CDH23: variants seen among roughly 807,000 people sequenced by gnomAD.
CDH23 encodes cadherin related 23, also known as cadherin-23.
A neutral mutation model predicts 317.1 loss-of-function variants in CDH23; 189 were observed. The ratio of observed to expected loss-of-function variants is 0.60; its 90% confidence interval spans 0.53 to 0.67. The LOEUF is 0.67. Ranked by LOEUF, CDH23 falls within the 30% of genes least tolerant of loss-of-function variation. The probability of loss-of-function intolerance (pLI) is 0.00; values close to 1 mark genes in which losing one functional copy is unlikely to be tolerated. For missense variants in CDH23, 4,401 were observed against 4,592.4 expected (o/e 0.96, Z 1.20); for synonymous variants, 1,839 against 1,876.8 (o/e 0.98, Z 0.52).
At chr10:71,693,554 G>A (rs1466936816) in intron 20 of CDH23, among the ~76,000 whole-genome samples, 1 of 152,202 alleles carries the variant, frequency 6.6e-6, no homozygotes, top group African/African-American at 2.4e-5. Flanking sequence ...TGAGTCACAA[G>A]TTAGACGCAT....
chr10:71,682,419 G>A lies in CDH23; in HGVS notation c.1859-26G>A, dbSNP rs754849941. On this transcript the variant is annotated intron_variant, in intron 17 of 69. Coordinates refer to ENST00000224721, the MANE Select transcript of CDH23 (RefSeq NM_022124.6). ...GGCATCTCAAGTCTGCTTACAGAGG[G>A]ATCTGGCCTGTTCCTGTCATTGCAG... 5.6e-6 allele frequency: 9 copies of A among 1,609,482 alleles called. No individual in the cohort carries two copies. In the Middle Eastern group the frequency reaches 8.3e-4, roughly 149 times the overall value.
rs1447670791 is a variant in CDH23, at chr10:71,779,229, TG to T, written c.5188-34del. On this transcript the variant is annotated intron_variant, in intron 40 of 69. Transcript: ENST00000224721. ...AACTGAGGCCCAGCACAAAGCTGGCTGGGGTGAGGCCTTGGCTAAGCTTTTC... is the reference window on the plus strand; with the variant it reads ...AACTGAGGCCCAGCACAAAGCTGGCTGGGTGAGGCCTTGGCTAAGCTTTTC... 4.4e-6 allele frequency: 7 copies of T among 1,607,186 alleles called. No individual in the cohort carries two copies. In the Admixed American group the frequency reaches 8.3e-5, roughly 19 times the overall value.
intron 3 of CDH23, among the ~76,000 whole-genome samples, chr10:71,493,845 C>CT (rs929713127): frequency 1.8e-4 from 28 of 152,092 alleles, no homozygotes; most frequent in African/African-American, 2.2e-4. Flanking sequence ...ACACAAAATC[C>CT]TTTTTTTTAA....
At position 71,716,571 on chromosome 10, in the gene CDH23, G is replaced by A. The variant is rs1866253639; in HGVS notation, c.3369+3758G>A. On this transcript the variant is annotated intron_variant, in intron 28 of 69. Coordinates refer to ENST00000224721, the MANE Select transcript of CDH23 (RefSeq NM_022124.6). ...GGGCCCAAGCTCAGGCCCTCTTCCT[G>A]TTCCACCCTGTGCCCATCTGCCATG... 9.1e-6 allele frequency: 4 copies of A among 441,628 alleles called. No homozygotes were observed. In the East Asian group the frequency reaches 1.1e-4, roughly 12 times the overall value. 27.4% of individuals were successfully genotyped at this position (441,628 alleles called of 1,614,324 possible). A position where few individuals can be genotyped will look rare whatever the true frequency, so the allele number is the denominator to read the frequency against.
intron 8 of CDH23, among the ~76,000 whole-genome samples, chr10:71,574,560 A>T (rs1858046974): frequency 6.6e-6 from 1 of 152,086 alleles, no homozygotes; most frequent in Non-Finnish European, 1.5e-5. Flanking sequence ...CTACTCCTGA[A>T]GCAAGCTGCA....
intron 69 of CDH23, 47 bp from the exon 70 acceptor site, chr10:71,814,905 C>A (rs1238129152): frequency 1.3e-6 from 2 of 1,547,636 alleles, no homozygotes; most frequent in South Asian, 2.4e-5. Flanking sequence ...CACCTGCTCA[C>A]CCCTTGGGCA....
chr10:71,760,312 C>CATAT (rs1374136520), intron 38 of CDH23, among the ~76,000 whole-genome samples: 2 of 108,450 alleles, frequency 1.8e-5, no homozygotes, highest in Non-Finnish European at 4.3e-5. Flanking sequence ...TATATACACA[C>CATAT]ACATATATAT....
intron 1 of CDH23, among the ~76,000 whole-genome samples, chr10:71,436,531 C>T (rs1023634846): frequency 6.6e-6 from 1 of 152,246 alleles, no homozygotes; most frequent in Non-Finnish European, 1.5e-5. Context: ...GACTCTGACT[C>T]AGGCAGACCT....
chr10:71,491,951 T>C (rs377173251), intron 3 of CDH23, among the ~76,000 whole-genome samples: 2 of 151,612 alleles, frequency 1.3e-5, no homozygotes, highest in Non-Finnish European at 1.5e-5. Flanking sequence ...CCCAGGGAGG[T>C]CACGTCCAGG....
In CDH23 at chr10:71,646,571, G is replaced by C. The variant is rs1395349742; in HGVS notation, c.1403G>C (p.Ser468Thr). 3 of 1,614,008 alleles carry C rather than the reference G, an allele frequency of 1.9e-6. No individual in the cohort carries two copies. Among genetic ancestry groups the C allele is most frequent in the Non-Finnish European group, 2.5e-6 (3 of 1,179,902 alleles). ...PIFSQPLYNI[S>T]LYENVTVGTS... ...TTCAGCCAGCCACTGTACAACATCA[G>C]CCTGTACGAGAACGTCACCGTGGGG... is the stretch of plus-strand genomic sequence containing the variant. The change falls in exon 14 of 70, where the codon AGC becomes ACC. Residue 468 changes from serine to threonine, a missense_variant. This residue lies in a region of CDH23 where 3,068 missense variants were observed against 3,203.3 expected (regional missense o/e 0.96). Coordinates refer to ENST00000224721, the MANE Select transcript of CDH23 (RefSeq NM_022124.6).
At chr10:71,609,383 C>T (rs1374969757) in intron 9 of CDH23, among the ~76,000 whole-genome samples, 2 of 152,072 alleles carry the variant, frequency 1.3e-5, no homozygotes, top group East Asian at 1.9e-4. Context: ...GCCACTCAGC[C>T]TCTTGCCTTG....
chr10:71,720,016 T>A lies in CDH23; in HGVS notation c.3370-4029T>A, dbSNP rs1866476506. Among the ~76,000 whole-genome samples, 3 of 152,358 alleles carry A rather than the reference T, an allele frequency of 2.0e-5. No homozygotes were observed. The South Asian group carries it at 6.2e-4, about 32-fold the overall frequency. On this transcript the variant is annotated intron_variant, in intron 28 of 69. Transcript: ENST00000224721. The stretch of plus-strand genomic sequence containing the variant: ...GGGAGACGCAGGGGGAGGGTTTTAC[T>A]GCCTCTGCGGCCCCATGGCGCTCAC...
At chr10:71,644,305 C>T (rs1178744138) in intron 12 of CDH23, among the ~76,000 whole-genome samples, 1 of 152,248 alleles carries the variant, frequency 6.6e-6, no homozygotes, top group African/African-American at 2.4e-5. Context: ...ACCTCTGTGC[C>T]AGTAACAGGG....
intron 38 of CDH23, chr10:71,760,963 G>A (rs569225952): frequency 1.2e-6 from 2 of 1,600,978 alleles, no homozygotes; most frequent in East Asian, 4.5e-5. Context: ...GTGGGTGTCA[G>A]GCCCAGGAGG....
Position 71,788,939 on chromosome 10 carries a change from G to A in CDH23, c.5821-1G>A. On this transcript the variant is annotated splice_acceptor_variant, in intron 44 of 69. Coordinates refer to ENST00000224721, the MANE Select transcript of CDH23 (RefSeq NM_022124.6). LOFTEE classifies it high-confidence loss of function. ...AACGTGCCCCATTCTGCCCCTTGCA[G>A]GATTATGACTTGCTTCTGATCTTCC... 1 of 1,540,694 alleles carries A rather than the reference G, an allele frequency of 6.5e-7. No homozygotes were observed. Among genetic ancestry groups the A allele is most frequent in the Non-Finnish European group, 9.0e-7 (1 of 1,113,062 alleles).
At chr10:71,615,363 A>C (rs1420641368) in intron 9 of CDH23, 141 bp from the exon 10 acceptor site, 6 of 694,270 alleles carry the variant, frequency 8.6e-6, no homozygotes, top group Non-Finnish European at 1.6e-5. Flanking sequence ...ATTACTCTTG[A>C]ACCAGCATTC....
intron 6 of CDH23, among the ~76,000 whole-genome samples, chr10:71,561,522 T>C (rs1382586030): frequency 6.6e-6 from 1 of 152,060 alleles, no homozygotes; most frequent in Non-Finnish European, 1.5e-5. Context: ...ACAAACAAGA[T>C]CCTTTGCACG....
intron 38 of CDH23, chr10:71,752,839 G>A: frequency 9.4e-7 from 1 of 1,063,004 alleles, no homozygotes; most frequent in Admixed American, 2.8e-5. Context: ...AGATGTGCAG[G>A]CTTCAGCAGC....
rs191390357 is a variant in CDH23, at chr10:71,401,098, G to A, written c.-6+3780G>A. On this transcript the variant is annotated intron_variant, in intron 1 of 69. Transcript: ENST00000224721. ...TACTGGATAGGTTATTTCAGGGTGG[G>A]AGTACTTTTGCCCTCAGTAGAGAAG... is the stretch of plus-strand genomic sequence containing the variant. Among the ~76,000 whole-genome samples the A allele has an allele frequency of 3.4e-3, 512 of 152,292 alleles. 3 individuals carry two copies. The highest frequency in any genetic ancestry group is 0.01 in the African/African-American group (431 of 41,548).
Sources: allele counts gnomAD v4.1 joint callset (sites outside exome capture counted in the v4.1 genomes callset), GRCh38; gene constraint gnomAD v4.1.1; regional missense constraint gnomAD v4.1.1; transcripts MANE v1.5; gene names NCBI Gene and HGNC (gene_info 2026-07-23, HGNC 2026-07-21).